Variants in CPD observed in about 807,000 individuals in gnomAD.
CPD encodes the protein metallocarboxypeptidase D.
Under a neutral mutation model 138.3 loss-of-function variants are expected in CPD, and 69 were observed. The observed-to-expected ratio is 0.50, with a 90% confidence interval of 0.41 to 0.61. CPD has a LOEUF of 0.61. Ranked by LOEUF, CPD falls within the 20% of genes least tolerant of loss-of-function variation. The pLI, the probability that CPD is intolerant of heterozygous loss-of-function variation, is 0.00. For missense variants in CPD, 1,432 were observed against 1,733.3 expected (o/e 0.83, Z 3.09); for synonymous variants, 651 against 642.1 (o/e 1.01, Z -0.21).
chr17:30,402,401 A>G (rs1911697547), intron 2 of CPD, among the ~76,000 whole-genome samples: 1 of 152,158 alleles, frequency 6.6e-6, no homozygotes, highest in Non-Finnish European at 1.5e-5. Context: ...CCCTGTCTCT[A>G]CTAAAAATAC....
In CPD at chr17:30,431,870, T is replaced by C; in HGVS notation, c.2116T>C (p.Ser706Pro). ...TGCTGTGTTCCAACAAATAGCACTTTCTTATTCCAAGGTAGGCTTGTCTTT... is the reference window on the plus strand; with the variant it reads ...TGCTGTGTTCCAACAAATAGCACTTCCTTATTCCAAGGTAGGCTTGTCTTT... ...DDAVFQQIAL[S>P]YSKENSQMFQ... is the part of the protein sequence containing the mutation. Residue 706 changes from serine (S) to proline (P), a missense_variant, in exon 8 of 21, where the codon TCT becomes CCT. By Grantham distance (74) the Ser-to-Pro change is moderately conservative. Around this residue, in one of 6 missense-constraint regions of CPD, gnomAD observed 297 missense variants for 405.3 expected, o/e 0.73. Coordinates refer to ENST00000225719, the MANE Select transcript of CPD (RefSeq NM_001304.5). 6.3e-7 allele frequency: 1 copy of C among 1,594,398 alleles called. No homozygotes were observed. The highest frequency in any genetic ancestry group is 1.1e-5 in the South Asian group (1 of 89,150).
At position 30,431,886 on chromosome 17, in the gene CPD, G is replaced by C; in HGVS notation, c.2127+5G>C. ...ATAGCACTTTCTTATTCCAAGGTAG[G>C]CTTGTCTTTGAATATAAAATGTTAC... On this transcript the variant is annotated splice_donor_5th_base_variant and intron_variant, in intron 8 of 20. Coordinates refer to ENST00000225719, the MANE Select transcript of CPD (RefSeq NM_001304.5). The C allele has an allele frequency of 6.5e-7, 1 of 1,538,600 alleles. No homozygotes were observed. Among genetic ancestry groups the C allele is most frequent in the Non-Finnish European group, 8.9e-7 (1 of 1,120,808 alleles).
At chr17:30,439,394 C>CT (rs71138889) in intron 9 of CPD, among the ~76,000 whole-genome samples, 68,288 of 124,220 alleles carry the variant, frequency 0.55, 17,757 homozygotes, top group East Asian at 0.76. Flanking sequence ...ACGTTACTTT[C>CT]TTTTTTTTTT....
chr17:30,382,731 C>T (rs1911080277), intron 1 of CPD, among the ~76,000 whole-genome samples: 1 of 152,166 alleles, frequency 6.6e-6, no homozygotes, highest in Non-Finnish European at 1.5e-5. Flanking sequence ...TGTAGAGAAT[C>T]TTGGATTTTA....
chr17:30,401,207 T>A (rs1911649878), intron 2 of CPD, among the ~76,000 whole-genome samples: 1 of 150,720 alleles, frequency 6.6e-6, no homozygotes, highest in African/African-American at 2.4e-5. Flanking sequence ...CTGCTGCTGC[T>A]GCTGCTTCTG....
In CPD at chr17:30,456,455, T is replaced by C. The variant is rs1913297337; in HGVS notation, c.3434-7T>C. On this transcript the variant is annotated splice_polypyrimidine_tract_variant and splice_region_variant and intron_variant, in intron 16 of 20. Coordinates refer to ENST00000225719, the MANE Select transcript of CPD (RefSeq NM_001304.5). The stretch of plus-strand genomic sequence containing the variant: ...TCCTGATTCCACATCTCTTAATGCT[T>C]TTATAGATGAGAATATTCCAGGAGG... 1 of 1,614,114 alleles carries C rather than the reference T, an allele frequency of 6.2e-7. No individual in the cohort carries two copies. The highest frequency in any genetic ancestry group is 2.2e-5 in the East Asian group (1 of 44,886).
rs1324620827 is a variant in CPD, at chr17:30,421,847, C to T, written c.1307+14C>T. On this transcript the variant is annotated intron_variant, in intron 4 of 20. Coordinates refer to ENST00000225719, the MANE Select transcript of CPD (RefSeq NM_001304.5). ...AGTTTTAACTGGGTAAGAATTTAAA[C>T]TATGTAGACTCTTAGTTAAAATGTC... The T allele has an allele frequency of 6.3e-7, 1 of 1,576,688 alleles. No homozygotes were observed. The highest frequency in any genetic ancestry group is 8.7e-7 in the Non-Finnish European group (1 of 1,147,624).
At chr17:30,435,932 G>A (rs1419234626) in intron 8 of CPD, among the ~76,000 whole-genome samples, 4 of 151,998 alleles carry the variant, frequency 2.6e-5, no homozygotes, top group Admixed American at 2.0e-4. Flanking sequence ...ATCATCACAC[G>A]GCATTCTCCC....
chr17:30,444,838 G>T (rs1191333543), intron 11 of CPD, among the ~76,000 whole-genome samples: 1 of 152,008 alleles, frequency 6.6e-6, no homozygotes, highest in Non-Finnish European at 1.5e-5. Context: ...ATTGAAGTAA[G>T]GGTAAAATAT....
Position 30,423,513 on chromosome 17 carries a change from A to G in CPD, c.1665A>G (p.Pro555=). 2 of 1,548,944 alleles carry G rather than the reference A, an allele frequency of 1.3e-6. No individual in the cohort carries two copies. The highest frequency in any genetic ancestry group is 1.7e-6 in the Non-Finnish European group (2 of 1,149,666). ...DNPGVHEPGE[P]EFKYIGNMHG... Reference sequence around the variant, plus strand: ...TAATTATTTTGTTTTCAGGTGAACCAGAATTTAAGTACATTGGAAATATGC... The same window carrying G: ...TAATTATTTTGTTTTCAGGTGAACCGGAATTTAAGTACATTGGAAATATGC... Residue 555 remains proline (P), a synonymous_variant, in exon 6 of 21, where the codon CCA becomes CCG. Coordinates refer to ENST00000225719, the MANE Select transcript of CPD (RefSeq NM_001304.5).
At chr17:30,416,971 A>G (rs1912124241) in intron 2 of CPD, among the ~76,000 whole-genome samples, 1 of 152,040 alleles carries the variant, frequency 6.6e-6, no homozygotes, top group African/African-American at 2.4e-5. Flanking sequence ...GTGTGGTGGC[A>G]TGAGCCTGTA....
intron 9 of CPD, 138 bp from the exon 10 acceptor site, chr17:30,442,170 G>A: frequency 1.6e-6 from 1 of 639,308 alleles, no homozygotes; most frequent in Non-Finnish European, 2.6e-6. Context: ...GCATCAAAGT[G>A]CCCTCACATG....
At chr17:30,437,732 T>C (rs1335980849) in intron 8 of CPD, among the ~76,000 whole-genome samples, 1 of 151,172 alleles carries the variant, frequency 6.6e-6, no homozygotes, top group East Asian at 2.0e-4. Flanking sequence ...AGAGCATGCA[T>C]ATAATTATTA....
At position 30,385,066 on chromosome 17, in the gene CPD, C is replaced by T; in HGVS notation, c.824C>T (p.Ala275Val). The T allele has an allele frequency of 6.2e-7, 1 of 1,613,896 alleles. No individual in the cohort carries two copies. Among genetic ancestry groups the T allele is most frequent in the Non-Finnish European group, 8.5e-7 (1 of 1,179,904 alleles). Residue 275 changes from alanine to valine, a missense_variant, in exon 2 of 21, where the codon GCC (alanine) becomes GTC (valine). By Grantham distance (64) the Ala-to-Val change is moderately conservative. Coordinates refer to ENST00000225719, the MANE Select transcript of CPD (RefSeq NM_001304.5). ...TTTGATGATTCTCCAGAACATAAGG[C>T]CACTGGAATCTATAGCAAAACCTCA... ...YPFDDSPEHKATGIYSKTSDD... is the reference protein window; with the variant it reads ...YPFDDSPEHKVTGIYSKTSDD...
At chr17:30,413,418 G>A (rs1020232819) in intron 2 of CPD, among the ~76,000 whole-genome samples, 4 of 152,164 alleles carry the variant, frequency 2.6e-5, no homozygotes. Context: ...AGGAGACAAG[G>A]TTAAGACCGA....
intron 2 of CPD, among the ~76,000 whole-genome samples, chr17:30,401,275 C>A (rs1911654156): frequency 6.6e-6 from 1 of 151,250 alleles, no homozygotes; most frequent in African/African-American, 2.4e-5. Flanking sequence ...CCTCCTCCTT[C>A]TTCCTTCTCC....
chr17:30,389,086 C>T (rs1242570232), intron 2 of CPD, among the ~76,000 whole-genome samples: 1 of 152,206 alleles, frequency 6.6e-6, no homozygotes, highest in South Asian at 2.1e-4. Flanking sequence ...TGCCTGACTA[C>T]ATTACTCCCC....
intron 20 of CPD, among the ~76,000 whole-genome samples, chr17:30,464,254 G>T (rs573710029): frequency 6.6e-6 from 1 of 152,144 alleles, no homozygotes; most frequent in African/African-American, 2.4e-5. Flanking sequence ...TTAGCCAGGT[G>T]TGGTGGCATG....
intron 20 of CPD, among the ~76,000 whole-genome samples, chr17:30,463,158 C>T (rs762979360): frequency 5.9e-5 from 9 of 152,158 alleles, no homozygotes; most frequent in Non-Finnish European, 1.2e-4. Context: ...GGCCTGTTCC[C>T]AACACTTCTC....
Sources: allele counts gnomAD v4.1 joint callset (sites outside exome capture counted in the v4.1 genomes callset), GRCh38; gene constraint gnomAD v4.1.1; regional missense constraint gnomAD v4.1.1; transcripts MANE v1.5; gene names NCBI Gene and HGNC (gene_info 2026-07-23, HGNC 2026-07-21).